The following PTPN13 variants were observed in gnomAD, a reference collection of about 807,000 sequenced individuals.
The protein encoded by PTPN13 is tyrosine-protein phosphatase non-receptor type 13.
Under a neutral mutation model 284.0 loss-of-function variants are expected in PTPN13, and 191 were observed. The ratio of observed to expected loss-of-function variants is 0.67; its 90% CI spans 0.60 to 0.76. The LOEUF is 0.76. Ranked by LOEUF, PTPN13 falls within the 30% of genes least tolerant of loss-of-function variation. PTPN13 has a pLI of 0.00. For synonymous variants in PTPN13, 986 were observed against 1,022.3 expected, an observed-to-expected ratio of 0.96 and a Z score of 0.68; for missense variants, 2,797 against 2,939.9, an observed-to-expected ratio of 0.95 and a Z score of 1.12.
chr4:86,686,745 G>T lies in PTPN13; in HGVS notation c.330G>T (p.Trp110Cys). The change falls in exon 4 of 48, where the codon TGG becomes TGT. Residue 110 changes from tryptophan (W) to cysteine (C), a missense_variant. Physicochemically the swap from Trp to Cys is radical, Grantham distance 215. Coordinates refer to ENST00000411767, the MANE Select transcript of PTPN13 (RefSeq NM_080683.3). ...HIYSLGMTLY[W>C]GADYEVPQSQ... Reference sequence around the variant, plus strand: ...ATTCTCTTGGAATGACACTGTATTGGGGGGCTGATTATGAAGTGCCTCAGA... The same window carrying T: ...ATTCTCTTGGAATGACACTGTATTGTGGGGCTGATTATGAAGTGCCTCAGA... 6.3e-7 allele frequency: 1 copy of T among 1,581,132 alleles called. No homozygotes were observed. Among genetic ancestry groups the T allele is most frequent in the Non-Finnish European group, 8.6e-7 (1 of 1,162,916 alleles).
At chr4:86,768,907 AC>A (rs1157892441) in intron 28 of PTPN13, among the ~76,000 whole-genome samples, 3 of 151,856 alleles carry the variant, frequency 2.0e-5, no homozygotes, top group Non-Finnish European at 4.4e-5. Context: ...ACGGGGTTTC[AC>A]CATGTTGGCC....
At chr4:86,736,518 C>T (rs766539043) in intron 15 of PTPN13, among the ~76,000 whole-genome samples, 1 of 152,134 alleles carries the variant, frequency 6.6e-6, no homozygotes, top group African/African-American at 2.4e-5. Flanking sequence ...CACAGACTTA[C>T]ATTACCTTTA....
chr4:86,599,267 T>A (rs972842728), intron 1 of PTPN13, among the ~76,000 whole-genome samples: 1 of 152,190 alleles, frequency 6.6e-6, no homozygotes, highest in African/African-American at 2.4e-5. Context: ...TGTTGGATTA[T>A]ATTTTATATT....
At chr4:86,723,994 G>A (rs1216626965) in intron 10 of PTPN13, among the ~76,000 whole-genome samples, 1 of 152,060 alleles carries the variant, frequency 6.6e-6, no homozygotes, top group African/African-American at 2.4e-5. Flanking sequence ...GTATTCTAAG[G>A]AGAAAAAGCT....
At chr4:86,609,772 C>G (rs1199195743) in intron 1 of PTPN13, among the ~76,000 whole-genome samples, 1 of 151,966 alleles carries the variant, frequency 6.6e-6, no homozygotes. Context: ...CTTAGCAGTA[C>G]TAATTTTATG....
Position 86,767,800 on chromosome 4 carries a change from C to T in PTPN13, c.4330-17C>T, listed in dbSNP as rs1739507941. On this transcript the variant is annotated splice_polypyrimidine_tract_variant and intron_variant, in intron 27 of 47. Coordinates refer to ENST00000411767, the MANE Select transcript of PTPN13 (RefSeq NM_080683.3). ...AGCATTCTTCTTAATTAATGAAATG[C>T]TATTTTACTTATCCAGGTGGTTCAT... 4.6e-6 allele frequency: 7 copies of T among 1,513,270 alleles called. No individual in the cohort carries two copies. The highest frequency in any genetic ancestry group is 6.3e-6 in the Non-Finnish European group (7 of 1,119,966). 93.7% of individuals were successfully genotyped at this position (1,513,270 alleles called of 1,614,324 possible). A position where few individuals can be genotyped will look rare whatever the true frequency, so the allele number is the denominator to read the frequency against.
chr4:86,642,449 C>CTTTTTTTTTTTTTTTTTTTTTTTTTT (rs1241682151), intron 2 of PTPN13, among the ~76,000 whole-genome samples: 1 of 27,454 alleles, frequency 3.6e-5, no homozygotes, highest in African/African-American at 1.3e-4. Flanking sequence ...TCTTCTTCTT[C>CTTTTTTTTTTTTTTTTTTTTTTTTTT]TTTTTTTTTT....
intron 36 of PTPN13, among the ~76,000 whole-genome samples, chr4:86,781,603 C>G (rs895618026): frequency 3.3e-5 from 5 of 152,186 alleles, no homozygotes; most frequent in Non-Finnish European, 5.9e-5. Context: ...ATCACCCATT[C>G]AGTGCGAAAA....
chr4:86,678,681 C>T (rs1057188146), intron 3 of PTPN13, among the ~76,000 whole-genome samples: 1 of 152,094 alleles, frequency 6.6e-6, no homozygotes, highest in Non-Finnish European at 1.5e-5. Context: ...ATGAAGGGAC[C>T]ATCATTTCCC....
At chr4:86,689,241 A>G in intron 5 of PTPN13, 51 bp downstream of exon 5, 1 of 1,493,370 alleles carries the variant, frequency 6.7e-7, no homozygotes, top group Non-Finnish European at 9.2e-7. Flanking sequence ...AATTTAGTAG[A>G]TATCACAAAA....
At chr4:86,680,718 T>A (rs1162352077) in intron 3 of PTPN13, among the ~76,000 whole-genome samples, 4 of 152,148 alleles carry the variant, frequency 2.6e-5, no homozygotes, top group African/African-American at 9.7e-5. Flanking sequence ...TAACCAAACA[T>A]GAAAATCTCT....
chr4:86,742,519 C>G (rs767419717), intron 16 of PTPN13, among the ~76,000 whole-genome samples: 5 of 152,088 alleles, frequency 3.3e-5, no homozygotes, highest in Admixed American at 6.6e-5. Flanking sequence ...TTTAGTTCAT[C>G]TTTAGGCTAA....
chr4:86,706,567 G>A (rs1268098390), intron 7 of PTPN13, among the ~76,000 whole-genome samples: 1 of 152,050 alleles, frequency 6.6e-6, no homozygotes, highest in African/African-American at 2.4e-5. Context: ...TACTATGGTC[G>A]AATCTTTAAG....
chr4:86,606,572 G>A (rs1764759797), intron 1 of PTPN13, among the ~76,000 whole-genome samples: 1 of 151,664 alleles, frequency 6.6e-6, no homozygotes, highest in Admixed American at 6.6e-5. Context: ...ATTATACTTG[G>A]CAGGTATCTA....
At chr4:86,679,480 A>G (rs946715038) in intron 3 of PTPN13, among the ~76,000 whole-genome samples, 1 of 152,200 alleles carries the variant, frequency 6.6e-6, no homozygotes, top group Non-Finnish European at 1.5e-5. Flanking sequence ...GCAAGTTCTT[A>G]GGCCCTACCC....
chr4:86,765,166 A>G lies in PTPN13; in HGVS notation c.4150-229A>G, dbSNP rs138929074. Among the ~76,000 whole-genome samples, 262 of 152,340 alleles carry G rather than the reference A, an allele frequency of 1.7e-3. 3 individuals carry two copies. Among genetic ancestry groups the G allele is most frequent in the African/African-American group, 6.0e-3 (251 of 41,574 alleles). On this transcript the variant is annotated intron_variant, in intron 25 of 47. Coordinates refer to ENST00000411767, the MANE Select transcript of PTPN13 (RefSeq NM_080683.3). The stretch of plus-strand genomic sequence containing the variant: ...TTAGAAGTTCCCAAGGAATATATGT[A>G]TCTTTAAGGTAGTCAGAATGTGAGC...
chr4:86,619,376 A>G (rs1341272596), intron 1 of PTPN13, among the ~76,000 whole-genome samples: 1 of 152,228 alleles, frequency 6.6e-6, no homozygotes, highest in East Asian at 1.9e-4. Flanking sequence ...CAAAAATTCT[A>G]CTCAAATTGC....
chr4:86,695,393 TA>T (rs946195647), intron 6 of PTPN13, among the ~76,000 whole-genome samples: 1 of 152,056 alleles, frequency 6.6e-6, no homozygotes, highest in African/African-American at 2.4e-5. Context: ...AAAATATGTT[TA>T]TTTTTATACT....
At chr4:86,682,441 A>G (rs997854334) in intron 3 of PTPN13, among the ~76,000 whole-genome samples, 2 of 151,670 alleles carry the variant, frequency 1.3e-5, no homozygotes, top group African/African-American at 4.8e-5. Context: ...TTTTTTTTTA[A>G]CTTGTACTGC....
Sources: gnomAD v4.1 joint callset for allele counts (sites outside exome capture counted in the v4.1 genomes callset) on GRCh38, gnomAD v4.1.1 for gene constraint, MANE v1.5 for transcripts, NCBI Gene and HGNC (gene_info 2026-07-23, HGNC 2026-07-21) for gene names.